Variants in ZNF454 observed in about 807,000 individuals in gnomAD.
The protein encoded by ZNF454 is zinc finger protein 454.
In ZNF454, 30 loss-of-function variants were observed where a neutral mutation model predicts 48.2. The ratio of observed to expected loss-of-function variants is 0.62; its 90% confidence interval spans 0.47 to 0.84. The LOEUF (loss-of-function observed/expected upper bound fraction) is 0.84. Ranked by LOEUF, ZNF454 falls within the 40% of genes least tolerant of loss-of-function variation. The pLI, the probability that ZNF454 is intolerant of heterozygous loss-of-function variation, is 0.00. For synonymous variants in ZNF454, 204 were observed against 211.4 expected, an observed-to-expected ratio of 0.97 and a Z score of 0.30; for missense variants, 510 against 623.1, an observed-to-expected ratio of 0.82 and a Z score of 1.93.
chr5:178,961,919 T>C (rs1760025652), intron 4 of ZNF454, among the ~76,000 whole-genome samples: 1 of 151,828 alleles, frequency 6.6e-6, no homozygotes, highest in Non-Finnish European at 1.5e-5. Context: ...ACATTATAAT[T>C]ATTGTCTCAT....
At position 178,943,853 on chromosome 5, in the gene ZNF454, G is replaced by T. The variant is rs1303345703; in HGVS notation, c.33+1029G>T. ...ATCCTGGCTAACACAGTGAAACCCC[G>T]TCTCTACTAAAATTACAAAAAAAAT... On this transcript the variant is annotated intron_variant, in intron 2 of 4. Transcript: ENST00000519564. 7.9e-5 allele frequency among the ~76,000 whole-genome samples: 12 copies of T among 152,122 alleles called. No individual in the cohort carries two copies. The East Asian group carries it at 2.3e-3, about 30-fold the overall frequency.
chr5:178,989,689 CA>C, the ZNF454 span: 1 of 531,532 alleles, frequency 1.9e-6, no homozygotes, highest in African/African-American at 1.9e-5. Flanking sequence ...CATGCTGATG[CA>C]AACTCAGAGC....
chr5:178,964,604 CA>C (rs1760085440), intron 4 of ZNF454, 50 bp from the exon 5 acceptor site: 2 of 1,409,350 alleles, frequency 1.4e-6, no homozygotes, highest in Non-Finnish European at 2.0e-6. Context: ...TTGCCCCATC[CA>C]AATGTTTTGC....
intron 4 of ZNF454, among the ~76,000 whole-genome samples, chr5:178,947,916 A>AT (rs530161461): frequency 3.9e-4 from 59 of 151,594 alleles, no homozygotes; most frequent in East Asian, 1.7e-3. Context: ...ATATCTCTTT[A>AT]TTTTTTTTTA....
the ZNF454 span, chr5:178,989,210 C>CCCCA: frequency 1.1e-5 from 3 of 269,404 alleles, no homozygotes; most frequent in Non-Finnish European, 1.7e-5. Context: ...TCCCCCTCCC[C>CCCCA]ACCCTCACCA....
At position 178,946,275 on chromosome 5, in the gene ZNF454, G is replaced by A; in HGVS notation, c.34-84G>A. ...CCAGCAGTCCTGTAAATGCGCACAA[G>A]CTCCTAGGGGCTGCCAGTCTCTTTT... is the stretch of plus-strand genomic sequence containing the variant. On this transcript the variant is annotated intron_variant, in intron 2 of 4. Transcript: ENST00000519564. This position sits in a 1 kb window ranked among gnomAD's most constrained non-coding sequence, Gnocchi z 4.5. 1 of 1,564,030 alleles carries A rather than the reference G, an allele frequency of 6.4e-7. No homozygotes were observed. The highest frequency in any genetic ancestry group is 8.6e-7 in the Non-Finnish European group (1 of 1,159,290).
downstream of ZNF454, among the ~76,000 whole-genome samples, chr5:178,968,333 C>T (rs1482298655): frequency 1.3e-5 from 2 of 152,100 alleles, no homozygotes; most frequent in Non-Finnish European, 2.9e-5. Context: ...GAATGGAGCA[C>T]CTCACCCCCA....
At chr5:178,989,293 C>G in the ZNF454 span, 1 of 1,610,198 alleles carries the variant, frequency 6.2e-7, no homozygotes, top group Non-Finnish European at 8.5e-7. Context: ...AATCGTCTGA[C>G]TGGGTACCTG....
the ZNF454 span, among the ~76,000 whole-genome samples, chr5:178,988,523 G>C: frequency 6.6e-6 from 1 of 152,188 alleles, no homozygotes; most frequent in Non-Finnish European, 1.5e-5. The surrounding 1 kb of genome is among the most constrained non-coding windows in gnomAD (Gnocchi z 6.0). Context: ...TCAGACCCAC[G>C]CCTGTGCCTG....
chr5:178,973,479 A>G, the ZNF454 span, among the ~76,000 whole-genome samples: 1 of 152,158 alleles, frequency 6.6e-6, no homozygotes. Flanking sequence ...TTGCTAATTC[A>G]CCTCAGTAAT....
the ZNF454 span, chr5:178,985,510 T>G: frequency 8.9e-6 from 3 of 337,134 alleles, no homozygotes; most frequent in East Asian, 8.4e-5. Context: ...GAGACCATCC[T>G]GGCTAACACG....
chr5:178,986,438 T>C, the ZNF454 span: 4 of 1,613,066 alleles, frequency 2.5e-6, no homozygotes, highest in South Asian at 3.3e-5. Flanking sequence ...CGCACGAAGG[T>C]GGCCACCACC....
the ZNF454 span, chr5:178,986,883 G>A: frequency 3.7e-4 from 593 of 1,614,110 alleles, no homozygotes; most frequent in South Asian, 1.2e-3. Context: ...CCTGGTACCC[G>A]CCACTGCTGG....
chr5:178,965,720 C>T lies in ZNF454; in HGVS notation c.1316C>T (p.Pro439Leu), dbSNP rs1234280863. 2 of 1,614,166 alleles carry T rather than the reference C, an allele frequency of 1.2e-6. No homozygotes were observed. The highest frequency in any genetic ancestry group is 1.7e-5 in the Admixed American group (1 of 60,020). The part of the protein sequence containing the change: ...QHQRIHTGEK[P>L]YTCNICEKAF... ...CAGAGAATTCATACTGGGGAAAAAC[C>T]TTATACATGTAACATATGTGAAAAA... Residue 439 changes from proline to leucine, a missense_variant, in exon 5 of 5, where the codon CCT becomes CTT. By Grantham distance (98) the Pro-to-Leu change is moderately conservative (BLOSUM62 -3). Around this residue, in one of 3 missense-constraint regions of ZNF454, gnomAD observed 153 missense variants for 195.8 expected, o/e 0.78. Coordinates refer to ENST00000519564, the MANE Select transcript of ZNF454 (RefSeq NM_001178089.3). This position sits in a 1 kb window ranked among gnomAD's most constrained non-coding sequence, Gnocchi z 5.2.
chr5:178,954,746 C>T (rs1233764397), intron 4 of ZNF454, among the ~76,000 whole-genome samples: 1 of 152,310 alleles, frequency 6.6e-6, no homozygotes, highest in African/African-American at 2.4e-5. Context: ...GGCCTGGCAG[C>T]GACTAACCTA....
At chr5:178,976,145 C>G in the ZNF454 span, 1 of 455,830 alleles carries the variant, frequency 2.2e-6, no homozygotes, top group Non-Finnish European at 4.4e-6. Context: ...ATCCCCATGG[C>G]TCACTCCCCA....
chr5:178,989,322 T>C, the ZNF454 span: 1 of 1,613,126 alleles, frequency 6.2e-7, no homozygotes, highest in Non-Finnish European at 8.5e-7. Context: ...AGTTTGCAGT[T>C]AAAATTCTCT....
At chr5:178,963,271 C>T (rs984666135) in intron 4 of ZNF454, among the ~76,000 whole-genome samples, 2 of 151,814 alleles carry the variant, frequency 1.3e-5, no homozygotes, top group Non-Finnish European at 2.9e-5. Flanking sequence ...CCACAGTCTA[C>T]TCTATTTGGG....
downstream of ZNF454, chr5:178,969,603 C>T: frequency 4.4e-6 from 2 of 456,878 alleles, no homozygotes; most frequent in South Asian, 3.1e-5. Flanking sequence ...GCGCCTGCTT[C>T]ATGTAGTACA....
Sources: gnomAD v4.1 joint callset for allele counts (sites outside exome capture counted in the v4.1 genomes callset) on GRCh38, gnomAD v4.1.1 for gene constraint, gnomAD v4.1.1 regional missense constraint, Gnocchi (gnomAD v3.1) non-coding constraint, MANE v1.5 for transcripts, NCBI Gene and HGNC (gene_info 2026-07-23, HGNC 2026-07-21) for gene names.